Variants in SMAP1 observed in about 807,000 individuals in gnomAD.
SMAP1 encodes small ArfGAP 1, also known as stromal membrane-associated protein 1.
A neutral mutation model predicts 58.5 loss-of-function variants in SMAP1; 24 were observed. That is an observed-to-expected ratio of 0.41 (90% CI 0.30 to 0.58). The LOEUF (loss-of-function observed/expected upper bound fraction) is 0.58, where lower values mean the gene tolerates loss of function less well. SMAP1 is among the 20% of genes least tolerant of loss of function. The probability of loss-of-function intolerance (pLI) is 0.29; values close to 1 mark genes in which losing one functional copy is unlikely to be tolerated. For synonymous variants in SMAP1, 216 were observed against 196.6 expected (o/e 1.10, Z -0.82); for missense variants, 563 against 566.3 (o/e 0.99, Z 0.06).
intron 3 of SMAP1, among the ~76,000 whole-genome samples, chr6:70,768,536 G>A (rs1255385862): frequency 1.3e-5 from 2 of 152,190 alleles, no homozygotes; most frequent in African/African-American, 4.8e-5. Flanking sequence ...GTTTATTTGC[G>A]TAGAGGTGTT....
rs897921584 is a variant in SMAP1 at position 70,805,505 on chromosome 6, A to C, written c.576+6768A>C. Among the ~76,000 whole-genome samples, 12 of 152,216 alleles carry C rather than the reference A, an allele frequency of 7.9e-5. No homozygotes were observed. In the South Asian group the frequency reaches 2.3e-3, roughly 29 times the overall value. ...CGACTTTTTGAAGCCTACTTCAGTC[A>C]ACTCGTCAAAGTCATTCTGCATCCA... On this transcript the variant is annotated intron_variant, in intron 6 of 10. Coordinates refer to ENST00000370455, the MANE Select transcript of SMAP1 (RefSeq NM_001044305.3).
chr6:70,813,138 A>AC (rs1415067833), intron 6 of SMAP1, among the ~76,000 whole-genome samples: 1 of 151,998 alleles, frequency 6.6e-6, no homozygotes, highest in Non-Finnish European at 1.5e-5. Flanking sequence ...TTTTTCTCTC[A>AC]CCCCCAATTT....
intron 6 of SMAP1, among the ~76,000 whole-genome samples, chr6:70,803,534 T>A (rs1399309286): frequency 1.3e-5 from 2 of 152,180 alleles, no homozygotes; most frequent in East Asian, 1.9e-4. Context: ...TGCCTTCTAC[T>A]AGCTTTTGAA....
chr6:70,861,986 A>AAAAAT lies in SMAP1; in HGVS notation c.*1657_*1661dup. On this transcript the variant is annotated 3_prime_UTR_variant, in exon 11 of 11. Transcript: ENST00000370455. ...GAAGACTTACAGCAAATCCTTTGTG[A>AAAAAT]AAAATAAAAAAAAAAAAGAGACTTT... The AAAAAT allele has an allele frequency of 6.4e-7, 1 of 1,569,448 alleles. No homozygotes were observed. Among genetic ancestry groups the AAAAAT allele is most frequent in the Non-Finnish European group, 8.6e-7 (1 of 1,163,144 alleles).
chr6:70,751,909 G>GT lies in SMAP1; in HGVS notation c.253-3064dup, dbSNP rs576686503. Reference sequence around the variant, plus strand: ...GTCACTTATCCCCTCCACACCCCCTGTTTTTTTGCAACCAGTCTGCTTGAC... The same window carrying GT: ...GTCACTTATCCCCTCCACACCCCCTGTTTTTTTTGCAACCAGTCTGCTTGAC... On this transcript the variant is annotated intron_variant, in intron 2 of 10. Transcript: ENST00000370455. Among the ~76,000 whole-genome samples, 252 of 152,052 alleles carry GT rather than the reference G, an allele frequency of 1.7e-3. 1 individual carries two copies. Among genetic ancestry groups the GT allele is most frequent in the African/African-American group, 5.7e-3 (238 of 41,506 alleles).
In SMAP1 at chr6:70,858,044, C is replaced by G; in HGVS notation, c.1084C>G (p.Gln362Glu). The change falls in exon 10 of 11, where the codon CAG (glutamine) becomes GAG (glutamate). Residue 362 changes from glutamine to glutamate, a missense_variant. Coordinates refer to ENST00000370455, the MANE Select transcript of SMAP1 (RefSeq NM_001044305.3). ...APGLIGNVMGQSPSMMVGMPM... is the reference protein window; with the variant it reads ...APGLIGNVMGESPSMMVGMPM... Reference sequence around the variant, plus strand: ...TGGCCTTATAGGAAATGTGATGGGACAGAGTCCAAGCATGATGGTGGGCAT... The same window carrying G: ...TGGCCTTATAGGAAATGTGATGGGAGAGAGTCCAAGCATGATGGTGGGCAT... 6.2e-7 allele frequency: 1 copy of G among 1,614,106 alleles called. No individual in the cohort carries two copies. The highest frequency in any genetic ancestry group is 8.5e-7 in the Non-Finnish European group (1 of 1,180,002).
At chr6:70,712,216 T>C (rs1283247094) in intron 1 of SMAP1, among the ~76,000 whole-genome samples, 4 of 152,232 alleles carry the variant, frequency 2.6e-5, no homozygotes, top group Non-Finnish European at 5.9e-5. Context: ...TTCATTCTGT[T>C]AATGAGGGGT....
chr6:70,722,599 C>A (rs1189934165), intron 1 of SMAP1, among the ~76,000 whole-genome samples: 1 of 152,192 alleles, frequency 6.6e-6, no homozygotes, highest in African/African-American at 2.4e-5. Flanking sequence ...GACTCACAGC[C>A]TTCAGAGCTG....
chr6:70,808,371 C>G (rs1769227912), intron 6 of SMAP1, among the ~76,000 whole-genome samples: 1 of 152,334 alleles, frequency 6.6e-6, no homozygotes, highest in East Asian at 1.9e-4. Flanking sequence ...TTCACAACTA[C>G]TCTTTTCTTA....
chr6:70,854,940 GGTTA>G (rs958569337), intron 8 of SMAP1, among the ~76,000 whole-genome samples: 56 of 152,114 alleles, frequency 3.7e-4, no homozygotes, highest in African/African-American at 1.3e-3. Context: ...TTCTTAAAGG[GGTTA>G]GTTAGAAATA....
At chr6:70,710,759 T>A (rs1023789574) in intron 1 of SMAP1, among the ~76,000 whole-genome samples, 7 of 152,344 alleles carry the variant, frequency 4.6e-5, no homozygotes, top group Admixed American at 3.9e-4. Context: ...TTTAAACTTC[T>A]TGACTCTTTT....
chr6:70,826,593 A>G (rs901981614), intron 6 of SMAP1, among the ~76,000 whole-genome samples: 10 of 151,894 alleles, frequency 6.6e-5, no homozygotes. Flanking sequence ...GTGAAATTCC[A>G]TCTCTACAAA....
intron 1 of SMAP1, among the ~76,000 whole-genome samples, 196 bp from the exon 2 acceptor site, chr6:70,732,182 C>A (rs1292798243): frequency 6.6e-6 from 1 of 152,044 alleles, no homozygotes; most frequent in East Asian, 1.9e-4. Flanking sequence ...TGAGTAAAAT[C>A]AATAAGGTTC....
rs750662370 is a variant in SMAP1 at position 70,852,592 on chromosome 6, G to T, written c.717G>T (p.Leu239=). ...ACGGGAACACAACGGTGCCACCCCT[G>T]AACGATGATCTGGACATCTTTGGAC... is the stretch of plus-strand genomic sequence containing the variant. ...VTNGNTTVPP[L]NDDLDIFGPM... is the part of the protein sequence containing the mutation. The change falls in exon 8 of 11, where the codon CTG becomes CTT. Residue 239 remains leucine, a synonymous_variant. Transcript: ENST00000370455. The T allele has an allele frequency of 6.2e-7, 1 of 1,610,440 alleles. No homozygotes were observed. Among genetic ancestry groups the T allele is most frequent in the African/African-American group, 1.3e-5 (1 of 74,806 alleles).
chr6:70,768,514 C>T (rs535251857), intron 3 of SMAP1, among the ~76,000 whole-genome samples: 1 of 152,214 alleles, frequency 6.6e-6, no homozygotes, highest in Non-Finnish European at 1.5e-5. Flanking sequence ...TCCATTTCTT[C>T]TAGATTATCC....
intron 3 of SMAP1, among the ~76,000 whole-genome samples, chr6:70,770,475 C>T (rs1767232172): frequency 6.6e-6 from 1 of 152,106 alleles, no homozygotes; most frequent in Non-Finnish European, 1.5e-5. Flanking sequence ...TCTAAACTTC[C>T]CTTCTCGCTT....
At chr6:70,790,325 A>G (rs1768291319) in intron 4 of SMAP1, among the ~76,000 whole-genome samples, 3 of 152,186 alleles carry the variant, frequency 2.0e-5, no homozygotes, top group African/African-American at 7.2e-5. Flanking sequence ...TATTTTTAGT[A>G]GAGACGGTTC....
intron 2 of SMAP1, among the ~76,000 whole-genome samples, chr6:70,738,330 G>C (rs760010791): frequency 5.3e-5 from 8 of 152,002 alleles, no homozygotes; most frequent in African/African-American, 1.9e-4. Context: ...GATAAAAAAT[G>C]TTGGCACTCT....
At chr6:70,809,708 A>G (rs970651525) in intron 6 of SMAP1, among the ~76,000 whole-genome samples, 13 of 152,242 alleles carry the variant, frequency 8.5e-5, no homozygotes, top group African/African-American at 3.1e-4. Flanking sequence ...TATAAAAATC[A>G]TAGAAACATG....
Sources: gnomAD v4.1 joint callset for allele counts (sites outside exome capture counted in the v4.1 genomes callset) on GRCh38, gnomAD v4.1.1 for gene constraint, MANE v1.5 for transcripts, NCBI Gene and HGNC (gene_info 2026-07-23, HGNC 2026-07-21) for gene names.